The following SEMG2 variants were observed in gnomAD, a reference collection of about 807,000 sequenced individuals.
SEMG2 encodes the protein semenogelin 2.
SEMG2 carries 3 observed loss-of-function variants against 8.1 expected under a neutral mutation model. The ratio of observed to expected loss-of-function variants is 0.37; its 90% CI spans 0.17 to 0.96. The LOEUF (loss-of-function observed/expected upper bound fraction) is 0.96, where lower values mean the gene tolerates loss of function less well. Among genes scored for constraint, SEMG2 ranks in the 40% least tolerant of loss-of-function variants. The pLI is 0.41. For missense variants in SEMG2, 726 were observed against 671.2 expected (o/e 1.08, Z -0.90); for synonymous variants, 252 against 231.4 (o/e 1.09, Z -0.81).
At chr20:45,221,580 T>G in intron 1 of SEMG2, 115 bp downstream of exon 1, 1 of 1,413,994 alleles carries the variant, frequency 7.1e-7, no homozygotes, top group Non-Finnish European at 9.7e-7. Flanking sequence ...TGATGAGAAT[T>G]GATTTTTCTC....
At position 45,223,430 on chromosome 20, in the gene SEMG2, G is replaced by A. The variant is rs542265459; in HGVS notation, c.*44+5G>A. The A allele has an allele frequency of 2.8e-6, 4 of 1,409,934 alleles. No homozygotes were observed. The African/African-American group carries it at 5.7e-5, about 20-fold the overall frequency. 87.3% of individuals were successfully genotyped at this position (1,409,934 alleles called of 1,614,324 possible). A position where few individuals can be genotyped will look rare whatever the true frequency, so the allele number is the denominator to read the frequency against. Reference sequence around the variant, plus strand: ...AAAAGCTGGACCAATAGCAAGGTAAGTTTGCTTTTCTTACCAAATAGGAGA... The same window carrying A: ...AAAAGCTGGACCAATAGCAAGGTAAATTTGCTTTTCTTACCAAATAGGAGA... On this transcript the variant is annotated splice_donor_5th_base_variant and intron_variant, in intron 2 of 2. Transcript: ENST00000372769.
intron 1 of SEMG2, 42 bp downstream of exon 1, chr20:45,221,507 A>G: frequency 6.2e-7 from 1 of 1,609,660 alleles, no homozygotes; most frequent in Non-Finnish European, 8.5e-7. Flanking sequence ...TACTTTAAAA[A>G]AATGGCCTCT....
In SEMG2 at chr20:45,221,870, C is replaced by A. The variant is rs867576271; in HGVS notation, c.238C>A (p.Arg80=). The change falls in exon 2 of 3, where the codon CGA becomes AGA. Residue 80 remains arginine, a synonymous_variant. Coordinates refer to ENST00000372769, the MANE Select transcript of SEMG2 (RefSeq NM_003008.3). ...HVDINDHDWT[R]KSQQYDLNAL... ...AGACATCAATGATCATGACTGGACC[C>A]GAAAAAGTCAGCAATATGATTTGAA... 6.2e-7 allele frequency: 1 copy of A among 1,613,762 alleles called. No homozygotes were observed. Among genetic ancestry groups the A allele is most frequent in the Non-Finnish European group, 8.5e-7 (1 of 1,179,926 alleles).
rs777437827 is a variant in SEMG2 at position 45,221,789 on chromosome 20, GA to G, written c.158del (p.Asp53AlafsTer19). ...QKGQHYFGQK[D>X]QQHTKSKGSF... ...GGGCCAGCACTATTTTGGACAAAAA[GA>G]CCAACAACATACTAAATCCAAAGGC... is the stretch of plus-strand genomic sequence containing the variant. On this transcript the variant is annotated frameshift_variant, in exon 2 of 3. Coordinates refer to ENST00000372769, the MANE Select transcript of SEMG2 (RefSeq NM_003008.3). LOFTEE classifies it high-confidence loss of function. The G allele has an allele frequency of 1.8e-5, 29 of 1,613,986 alleles. 1 individual carries two copies. In the South Asian group the frequency reaches 3.1e-4, roughly 17 times the overall value.
chr20:45,222,470 G>A lies in SEMG2; in HGVS notation c.838G>A (p.Gly280Ser). ...AAATCTCAGTCAAGATCAAGAGCAT[G>A]GCCGGAAGGCACATAAAATATCATA... ...TKNLSQDQEH[G>S]RKAHKISYPS... The change falls in exon 2 of 3, where the codon GGC becomes AGC. Residue 280 changes from glycine (G) to serine (S), a missense_variant. By Grantham distance (56) the Gly-to-Ser change is moderately conservative. Transcript: ENST00000372769. The A allele has an allele frequency of 6.2e-7, 1 of 1,613,968 alleles. No individual in the cohort carries two copies. The highest frequency in any genetic ancestry group is 8.5e-7 in the Non-Finnish European group (1 of 1,179,990).
chr20:45,222,028 A>T lies in SEMG2; in HGVS notation c.396A>T (p.Gly132=), dbSNP rs769819800. The T allele has an allele frequency of 4.3e-6, 7 of 1,614,194 alleles. No homozygotes were observed. Among genetic ancestry groups the T allele is most frequent in the Non-Finnish European group, 4.2e-6 (5 of 1,180,012 alleles). The change falls in exon 2 of 3, where the codon GGA becomes GGT. Residue 132 remains glycine (G), a synonymous_variant. Transcript: ENST00000372769. ...ACATGATAGTTATACATCATAAAGG[A>T]GGCCAAGCTCATCATGGGACACAAA... ...HFHMIVIHHK[G]GQAHHGTQNP...
Position 45,222,023 on chromosome 20 carries a change from A to C in SEMG2, c.391A>C (p.Lys131Gln). 3 of 1,614,208 alleles carry C rather than the reference A, an allele frequency of 1.9e-6. No homozygotes were observed. The highest frequency in any genetic ancestry group is 2.5e-6 in the Non-Finnish European group (3 of 1,180,020). Residue 131 changes from lysine to glutamine, a missense_variant, in exon 2 of 3, where the codon AAA becomes CAA. Lys to Gln is a moderately conservative substitution (Grantham distance 53). Transcript: ENST00000372769. ...TTTTCACATGATAGTTATACATCAT[A>C]AAGGAGGCCAAGCTCATCATGGGAC... ...GHFHMIVIHH[K>Q]GGQAHHGTQN...
rs1332781543 is a variant in SEMG2, at chr20:45,222,832, C to G, written c.1200C>G (p.Gly400=). 1 of 1,613,772 alleles carries G rather than the reference C, an allele frequency of 6.2e-7. No individual in the cohort carries two copies. Among genetic ancestry groups the G allele is most frequent in the Non-Finnish European group, 8.5e-7 (1 of 1,179,970 alleles). The change falls in exon 2 of 3, where the codon GGC becomes GGG. Residue 400 remains glycine, a synonymous_variant. Coordinates refer to ENST00000372769, the MANE Select transcript of SEMG2 (RefSeq NM_003008.3). ...TTCCTAGTCAAGCTCAAGAGTATGGCCATAAGGAAAATAAAATATCATACC... is the reference window on the plus strand; with the variant it reads ...TTCCTAGTCAAGCTCAAGAGTATGGGCATAAGGAAAATAAAATATCATACC... ...VRIPSQAQEY[G]HKENKISYQS...
At position 45,223,062 on chromosome 20, in the gene SEMG2, G is replaced by A. The variant is rs1042811181; in HGVS notation, c.1430G>A (p.Arg477Gln). The A allele has an allele frequency of 1.4e-5, 22 of 1,613,898 alleles. No homozygotes were observed. The highest frequency in any genetic ancestry group is 1.6e-4 in the Middle Eastern group (1 of 6,084). Residue 477 changes from arginine (R) to glutamine (Q), a missense_variant, in exon 2 of 3, where the codon CGA (arginine) becomes CAA (glutamine). Coordinates refer to ENST00000372769, the MANE Select transcript of SEMG2 (RefSeq NM_003008.3). The stretch of plus-strand genomic sequence containing the variant: ...CAATCTTCAAGTACAGAAGAAAGAC[G>A]ACTCAACTATGGAGGAAAGAGCACG... ...SYQSSSTEER[R>Q]LNYGGKSTQK...
Position 45,222,018 on chromosome 20 carries a change from A to C in SEMG2, c.386A>C (p.His129Pro), listed in dbSNP as rs781328840. ...GGTCATTTTCACATGATAGTTATAC[A>C]TCATAAAGGAGGCCAAGCTCATCAT... ...SKGHFHMIVI[H>P]HKGGQAHHGT... Residue 129 changes from histidine (H) to proline (P), a missense_variant, in exon 2 of 3, where the codon CAT (histidine) becomes CCT (proline). Coordinates refer to ENST00000372769, the MANE Select transcript of SEMG2 (RefSeq NM_003008.3). 6.2e-7 allele frequency: 1 copy of C among 1,614,166 alleles called. No homozygotes were observed. The highest frequency in any genetic ancestry group is 1.7e-5 in the Admixed American group (1 of 60,034).
chr20:45,223,467 CA>C, intron 2 of SEMG2, 42 bp downstream of exon 2: 1 of 861,150 alleles, frequency 1.2e-6, no homozygotes, highest in East Asian at 2.6e-5. Context: ...GTGCCTGTCC[CA>C]AAGTTGGGGA....
In SEMG2 at chr20:45,223,030, G is replaced by A. The variant is rs761188330; in HGVS notation, c.1398G>A (p.Met466Ile). 5.6e-6 allele frequency: 9 copies of A among 1,613,044 alleles called. No individual in the cohort carries two copies. The highest frequency in any genetic ancestry group is 6.8e-6 in the Non-Finnish European group (8 of 1,179,600). ...DQEHGHKENK[M>I]SYQSSSTEER... ...AGCATGGCCATAAGGAAAATAAAAT[G>A]TCATACCAATCTTCAAGTACAGAAG... is the stretch of plus-strand genomic sequence containing the variant. The change falls in exon 2 of 3, where the codon ATG (methionine) becomes ATA (isoleucine). Residue 466 changes from methionine to isoleucine, a missense_variant. Physicochemically the swap from Met to Ile is conservative, Grantham distance 10. Transcript: ENST00000372769.
rs774295700 is a variant in SEMG2, at chr20:45,222,541, G to C, written c.909G>C (p.Lys303Asn). 1 of 1,614,132 alleles carries C rather than the reference G, an allele frequency of 6.2e-7. No individual in the cohort carries two copies. The highest frequency in any genetic ancestry group is 1.1e-5 in the South Asian group (1 of 91,078). ...AAAGACAACTTCACCATGGAGAAAA[G>C]AGTGTACAGAAAGATGTATCCAAAG... ...TEERQLHHGE[K>N]SVQKDVSKGS... is the part of the protein sequence containing the mutation. The change falls in exon 2 of 3, where the codon AAG (lysine) becomes AAC (asparagine). Residue 303 changes from lysine (K) to asparagine (N), a missense_variant. Physicochemically the swap from Lys to Asn is moderately conservative, Grantham distance 94. Transcript: ENST00000372769.
chr20:45,223,349 T>G lies in SEMG2; in HGVS notation c.1717T>G (p.Tyr573Asp). 1.2e-6 allele frequency: 2 copies of G among 1,613,382 alleles called. No individual in the cohort carries two copies. The highest frequency in any genetic ancestry group is 3.3e-4 in the Middle Eastern group (2 of 6,058). Residue 573 changes from tyrosine to aspartate, a missense_variant, in exon 2 of 3, where the codon TAT becomes GAT. By Grantham distance (160) the Tyr-to-Asp change is radical. Transcript: ENST00000372769. ...VAQDDHLTQQYNEDRNPIST is the reference protein window; with the variant it reads ...VAQDDHLTQQDNEDRNPIST ...CCAAGATGATCATTTGACACAACAA[T>G]ATAATGAAGACAGAAATCCAATATC...
rs1187646429 is a variant in SEMG2, at chr20:45,222,676, C to T, written c.1044C>T (p.Tyr348=). Residue 348 remains tyrosine, a synonymous_variant, in exon 2 of 3, where the codon TAC becomes TAT. Coordinates refer to ENST00000372769, the MANE Select transcript of SEMG2 (RefSeq NM_003008.3). ...GCCATAAGGAAAATAAAATATCATACCAATCTTCAAGTACAGAAGAAAGAC... is the reference window on the plus strand; with the variant it reads ...GCCATAAGGAAAATAAAATATCATATCAATCTTCAAGTACAGAAGAAAGAC... The part of the protein sequence containing the change: ...EHGHKENKIS[Y]QSSSTEERHL... 6.2e-7 allele frequency: 1 copy of T among 1,612,724 alleles called. No homozygotes were observed. Among genetic ancestry groups the T allele is most frequent in the Non-Finnish European group, 8.5e-7 (1 of 1,179,686 alleles).
Position 45,222,875 on chromosome 20 carries a change from G to T in SEMG2, c.1243G>T (p.Glu415Ter), listed in dbSNP as rs1192356470. 1.9e-6 allele frequency: 3 copies of T among 1,613,630 alleles called. No homozygotes were observed. Among genetic ancestry groups the T allele is most frequent in the Non-Finnish European group, 1.7e-6 (2 of 1,179,952 alleles). The change falls in exon 2 of 3, where the codon GAA (glutamate) becomes TAA (stop). Residue 415 changes from glutamate (E) to a stop codon, truncating the protein, a stop_gained. Coordinates refer to ENST00000372769, the MANE Select transcript of SEMG2 (RefSeq NM_003008.3). LOFTEE classifies it low-confidence loss of function (END_TRUNC). ...KISYQSSSTEERRLNSGEKDV... is the reference protein window; with the variant it reads ...KISYQSSSTE ...ATCATACCAATCTTCGAGTACAGAAGAAAGACGTCTCAACAGTGGAGAAAA... is the reference window on the plus strand; with the variant it reads ...ATCATACCAATCTTCGAGTACAGAATAAAGACGTCTCAACAGTGGAGAAAA...
chr20:45,221,791 C>T lies in SEMG2; in HGVS notation c.159C>T (p.Asp53=). The T allele has an allele frequency of 1.2e-6, 2 of 1,614,130 alleles. No homozygotes were observed. The highest frequency in any genetic ancestry group is 1.7e-6 in the Non-Finnish European group (2 of 1,180,016). Residue 53 remains aspartate, a synonymous_variant, in exon 2 of 3, where the codon GAC becomes GAT. Transcript: ENST00000372769. ...QKGQHYFGQK[D]QQHTKSKGSF... is the part of the protein sequence containing the mutation. Reference sequence around the variant, plus strand: ...GCCAGCACTATTTTGGACAAAAAGACCAACAACATACTAAATCCAAAGGCA... The same window carrying T: ...GCCAGCACTATTTTGGACAAAAAGATCAACAACATACTAAATCCAAAGGCA...
Position 45,222,435 on chromosome 20 carries a change from A to G in SEMG2, c.803A>G (p.His268Arg). ...CTCCTAGTATATAACAAGAATCAAC[A>G]CCAGACAAAAAATCTCAGTCAAGAT... ...DELLVYNKNQ[H>R]QTKNLSQDQE... Residue 268 changes from histidine (H) to arginine (R), a missense_variant, in exon 2 of 3, where the codon CAC (histidine) becomes CGC (arginine). Physicochemically the swap from His to Arg is conservative, Grantham distance 29 (BLOSUM62 0). Transcript: ENST00000372769. 3 of 1,614,130 alleles carry G rather than the reference A, an allele frequency of 1.9e-6. No homozygotes were observed. The highest frequency in any genetic ancestry group is 2.5e-6 in the Non-Finnish European group (3 of 1,179,996).
rs894102347 is a variant in SEMG2 at position 45,222,446 on chromosome 20, A to T, written c.814A>T (p.Asn272Tyr). ...TAACAAGAATCAACACCAGACAAAA[A>T]ATCTCAGTCAAGATCAAGAGCATGG... Reference protein sequence around the residue: ...VYNKNQHQTKNLSQDQEHGRK... With the variant: ...VYNKNQHQTKYLSQDQEHGRK... Residue 272 changes from asparagine to tyrosine, a missense_variant, in exon 2 of 3, where the codon AAT becomes TAT. Asn to Tyr is a moderately radical substitution (Grantham distance 143). Transcript: ENST00000372769. The T allele has an allele frequency of 6.2e-7, 1 of 1,614,122 alleles. No individual in the cohort carries two copies. The highest frequency in any genetic ancestry group is 8.5e-7 in the Non-Finnish European group (1 of 1,179,996).
Sources: allele counts gnomAD v4.1 joint callset, GRCh38; gene constraint gnomAD v4.1.1; transcripts MANE v1.5; gene names NCBI Gene and HGNC (gene_info 2026-07-23, HGNC 2026-07-21).